Variants in PTPRT observed in about 807,000 individuals in gnomAD.
The protein encoded by PTPRT is receptor-type tyrosine-protein phosphatase T.
In PTPRT, 56 loss-of-function variants were observed where a neutral mutation model predicts 176.8. The observed-to-expected ratio is 0.32, with a 90% CI of 0.26 to 0.40. PTPRT has a LOEUF of 0.40. Among genes scored for constraint, PTPRT ranks in the 10% least tolerant of loss-of-function variants. PTPRT has a pLI of 1.00. For missense variants in PTPRT, 1,540 were observed against 1,908.2 expected (o/e 0.81, Z 3.60); for synonymous variants, 783 against 739.0 (o/e 1.06, Z -0.96).
intron 23 of PTPRT, among the ~76,000 whole-genome samples, chr20:42,107,708 G>GC (rs1340341776): frequency 6.6e-6 from 1 of 152,172 alleles, no homozygotes; most frequent in African/African-American, 2.4e-5. Context: ...TGTCAAGGAG[G>GC]CCCCCTTCCG....
chr20:42,403,772 A>C (rs1036977230), intron 9 of PTPRT, among the ~76,000 whole-genome samples: 1 of 152,082 alleles, frequency 6.6e-6, no homozygotes, highest in Non-Finnish European at 1.5e-5. Flanking sequence ...ATTCGCTCAC[A>C]GTAGTGATGG....
chr20:42,978,815 C>A (rs917385354), intron 1 of PTPRT, among the ~76,000 whole-genome samples: 3 of 152,196 alleles, frequency 2.0e-5, no homozygotes, highest in African/African-American at 4.8e-5. Context: ...CAGGAAGTTA[C>A]CCTATATGGT....
chr20:42,282,122 A>G (rs1171735730), intron 13 of PTPRT, among the ~76,000 whole-genome samples: 1 of 152,180 alleles, frequency 6.6e-6, no homozygotes, highest in Non-Finnish European at 1.5e-5. Context: ...AGATGGGTCT[A>G]ATAGACATGC....
intron 16 of PTPRT, among the ~76,000 whole-genome samples, chr20:42,178,678 G>A (rs1298825258): frequency 6.6e-6 from 1 of 152,182 alleles, no homozygotes; most frequent in East Asian, 1.9e-4. Context: ...CTTTTGTGAG[G>A]TTGCACTCAA....
chr20:42,071,365 C>G (rs1038106580), downstream of PTPRT, among the ~76,000 whole-genome samples: 1 of 152,182 alleles, frequency 6.6e-6, no homozygotes, highest in Admixed American at 6.5e-5. Context: ...AGTTTGAGTA[C>G]TGGTTTGTCC....
chr20:42,366,803 G>A (rs2058520881), intron 9 of PTPRT, among the ~76,000 whole-genome samples: 1 of 152,168 alleles, frequency 6.6e-6, no homozygotes, highest in South Asian at 2.1e-4. Flanking sequence ...CTATAAACTT[G>A]GTGTCCTAAG....
intron 14 of PTPRT, among the ~76,000 whole-genome samples, chr20:42,236,592 G>GA (rs1268230338): frequency 1.2e-4 from 14 of 116,660 alleles, no homozygotes; most frequent in Admixed American, 5.7e-4. Flanking sequence ...TTGTAATTAT[G>GA]ATTTTTTTTT....
intron 9 of PTPRT, among the ~76,000 whole-genome samples, chr20:42,397,322 A>G (rs2425489): frequency 0.49 from 74,619 of 152,088 alleles, 19,020 homozygotes; most frequent in African/African-American, 0.62. Flanking sequence ...TTATTTTGGA[A>G]TCAGGGGTAC....
At chr20:42,731,610 T>C (rs1274358697) in intron 6 of PTPRT, among the ~76,000 whole-genome samples, 1 of 152,182 alleles carries the variant, frequency 6.6e-6, no homozygotes, top group Non-Finnish European at 1.5e-5. Flanking sequence ...TTGGGCAGCA[T>C]GGTACAGCAG....
At chr20:43,103,200 T>C (rs1260717884) in intron 1 of PTPRT, among the ~76,000 whole-genome samples, 1 of 152,146 alleles carries the variant, frequency 6.6e-6, no homozygotes, top group Non-Finnish European at 1.5e-5. Context: ...CCTTGTCACC[T>C]GGTCCACCAG....
rs544951533 is a variant in PTPRT, at chr20:42,663,307, AAG to A, written c.1153+14557_1153+14558del. ...GGCAATTTGGGAGGGAGGAAACAGA[AAG>A]AGGTGAAAATTTCTTGCCTGTTGAA... On this transcript the variant is annotated intron_variant, in intron 7 of 30. Coordinates refer to ENST00000373187, the MANE Select transcript of PTPRT (RefSeq NM_007050.6). Among the ~76,000 whole-genome samples the A allele has an allele frequency of 4.4e-3, 673 of 152,244 alleles. 6 individuals carry two copies. Among genetic ancestry groups the A allele is most frequent in the African/African-American group, 0.016 (657 of 41,530 alleles).
At chr20:42,301,149 G>T (rs1297433596) in intron 12 of PTPRT, among the ~76,000 whole-genome samples, 1 of 152,160 alleles carries the variant, frequency 6.6e-6, no homozygotes, top group African/African-American at 2.4e-5. Flanking sequence ...CTTTATAGTG[G>T]AGAAAACCTT....
chr20:42,595,802 C>T (rs76059459), intron 7 of PTPRT, among the ~76,000 whole-genome samples: 7,883 of 152,168 alleles, frequency 0.052, 671 homozygotes, highest in African/African-American at 0.18. Context: ...TTGCTTGTTG[C>T]AAGGACAAAC....
At chr20:42,862,613 G>A (rs1413713404) in intron 2 of PTPRT, among the ~76,000 whole-genome samples, 1 of 152,206 alleles carries the variant, frequency 6.6e-6, no homozygotes, top group African/African-American at 2.4e-5. Flanking sequence ...GAGTGGGAGG[G>A]AGGGAGCCCA....
chr20:42,621,233 C>T (rs984068697), intron 7 of PTPRT, among the ~76,000 whole-genome samples: 2 of 152,176 alleles, frequency 1.3e-5, no homozygotes, highest in African/African-American at 2.4e-5. Context: ...CCCTCCAGCT[C>T]CTCGGGCCTT....
intron 1 of PTPRT, among the ~76,000 whole-genome samples, chr20:43,180,852 G>A (rs1289351520): frequency 2.0e-5 from 3 of 152,046 alleles, no homozygotes; most frequent in African/African-American, 7.2e-5. Context: ...CTGTTTCTCT[G>A]CAGAACTCTA....
At chr20:42,160,786 T>G (rs1213435056) in intron 17 of PTPRT, among the ~76,000 whole-genome samples, 1 of 152,190 alleles carries the variant, frequency 6.6e-6, no homozygotes, top group African/African-American at 2.4e-5. Flanking sequence ...GGGAAAGGGA[T>G]GCCCAGTGCA....
At chr20:42,392,566 G>A (rs1181666477) in intron 9 of PTPRT, among the ~76,000 whole-genome samples, 1 of 152,192 alleles carries the variant, frequency 6.6e-6, no homozygotes, top group Non-Finnish European at 1.5e-5. Flanking sequence ...GAGCTACAGA[G>A]TCAGGCAGAA....
chr20:42,564,675 T>C (rs1215237102), intron 7 of PTPRT, among the ~76,000 whole-genome samples: 1 of 152,100 alleles, frequency 6.6e-6, no homozygotes, highest in East Asian at 1.9e-4. Flanking sequence ...GGTTGATGGG[T>C]GCAGGAAACC....
Sources: gnomAD v4.1 joint callset for allele counts (sites outside exome capture counted in the v4.1 genomes callset) on GRCh38, gnomAD v4.1.1 for gene constraint, MANE v1.5 for transcripts, NCBI Gene and HGNC (gene_info 2026-07-23, HGNC 2026-07-21) for gene names.